The following MRGPRX4 variants were observed in gnomAD, a reference collection of about 807,000 sequenced individuals.
MRGPRX4 encodes MAS related GPR family member X4.
In MRGPRX4, 13 loss-of-function variants were observed where a neutral mutation model predicts 17.8. The ratio of observed to expected loss-of-function variants is 0.73; its 90% CI spans 0.48 to 1.16. MRGPRX4 has a LOEUF of 1.16. MRGPRX4 is among the 50% of genes most tolerant of loss of function. The pLI is 0.00. For synonymous variants in MRGPRX4, 192 were observed against 175.3 expected, an observed-to-expected ratio of 1.10 and a Z score of -0.75; for missense variants, 399 against 405.0, an observed-to-expected ratio of 0.99 and a Z score of 0.13.
In MRGPRX4 at chr11:18,173,573, A is replaced by G. The variant is rs566535505; in HGVS notation, c.317A>G (p.Tyr106Cys). 7.8e-5 allele frequency: 126 copies of G among 1,613,606 alleles called. No individual in the cohort carries two copies. The Middle Eastern group carries it at 3.8e-3, about 48-fold the overall frequency. Residue 106 changes from tyrosine to cysteine, a missense_variant, in exon 1 of 1, where the codon TAC (tyrosine) becomes TGC (cysteine). Transcript: ENST00000314254. ...KILVSVMTFP[Y>C]FTGLSMLSAI... is the part of the protein sequence containing the mutation. ...CTCGTTTCTGTGATGACCTTTCCCT[A>G]CTTTACAGGCCTGAGTATGCTGAGC...
chr11:18,174,199 C>T lies in MRGPRX4; in HGVS notation c.943C>T (p.Leu315=), dbSNP rs1401967866. The T allele has an allele frequency of 3.6e-5, 58 of 1,613,588 alleles. No individual in the cohort carries two copies. Among genetic ancestry groups the T allele is most frequent in the Non-Finnish European group, 4.6e-5 (54 of 1,179,724 alleles). Residue 315 remains leucine (L), a synonymous_variant, in exon 1 of 1, where the codon CTG becomes TTG. Transcript: ENST00000314254. ...GCAGCTTCCTGAGGAAAGCCTGGAG[C>T]TGTCGGGAAGCAGATTGGGGCCATG... The part of the protein sequence containing the change: ...EGQLPEESLE[L]SGSRLGP
At position 18,174,117 on chromosome 11, in the gene MRGPRX4, G is replaced by A; in HGVS notation, c.861G>A (p.Leu287=). 1.2e-6 allele frequency: 2 copies of A among 1,614,202 alleles called. No individual in the cohort carries two copies. The highest frequency in any genetic ancestry group is 2.2e-5 in the South Asian group (2 of 91,074). ...GGCAGCGTCAAAATAGGCAGAACCT[G>A]AAGCTGGTTCTCCAGAGGGCTCTGC... ...SFRQRQNRQN[L]KLVLQRALQD... is the part of the protein sequence containing the mutation. Residue 287 remains leucine (L), a synonymous_variant, in exon 1 of 1, where the codon CTG becomes CTA. Coordinates refer to ENST00000314254, the MANE Select transcript of MRGPRX4 (RefSeq NM_054032.3).
Position 18,173,110 on chromosome 11 carries a change from T to G in MRGPRX4, c.-147T>G. The G allele has an allele frequency of 8.9e-7, 1 of 1,129,236 alleles. No individual in the cohort carries two copies. 70.0% of individuals were successfully genotyped at this position (1,129,236 alleles called of 1,614,324 possible). On this transcript the variant is annotated 5_prime_UTR_variant, in exon 1 of 1. Transcript: ENST00000314254. ...AGGACCCCCACCTTTGGTAAGTGAC[T>G]TATTATCTGCGAGCCTCTGTTTCTC... is the stretch of plus-strand genomic sequence containing the variant.
rs765795700 is a variant in MRGPRX4, at chr11:18,174,254, G to A, written c.*29G>A. ...AGAGCCTCTGCCCTGTCAGTCAGACGGGACTTTGAGAGCAACACTGTCCTG... is the reference window on the plus strand; with the variant it reads ...AGAGCCTCTGCCCTGTCAGTCAGACAGGACTTTGAGAGCAACACTGTCCTG... On this transcript the variant is annotated 3_prime_UTR_variant, in exon 1 of 1. Coordinates refer to ENST00000314254, the MANE Select transcript of MRGPRX4 (RefSeq NM_054032.3). The A allele has an allele frequency of 1.9e-5, 30 of 1,586,450 alleles. No individual in the cohort carries two copies. The highest frequency in any genetic ancestry group is 1.7e-4 in the Middle Eastern group (1 of 5,924).
In MRGPRX4 at chr11:18,173,965, G is replaced by A. The variant is rs376689013; in HGVS notation, c.709G>A (p.Ala237Thr). Residue 237 changes from alanine (A) to threonine (T), a missense_variant, in exon 1 of 1, where the codon GCC becomes ACC. Transcript: ENST00000314254. Reference protein sequence around the residue: ...LCGLPFGILGALIYRMHLNLE... With the variant: ...LCGLPFGILGTLIYRMHLNLE... ...CGGCCTGCCCTTCGGCATTCTGGGG[G>A]CCCTAATTTACAGGATGCACCTGAA... is the stretch of plus-strand genomic sequence containing the variant. 2.5e-6 allele frequency: 4 copies of A among 1,614,210 alleles called. No individual in the cohort carries two copies. Among genetic ancestry groups the A allele is most frequent in the South Asian group, 1.1e-5 (1 of 91,078 alleles).
Position 18,174,191 on chromosome 11 carries a change from G to T in MRGPRX4, c.935G>T (p.Ser312Ile), listed in dbSNP as rs139194129. Residue 312 changes from serine (S) to isoleucine (I), a missense_variant, in exon 1 of 1, where the codon AGC (serine) becomes ATC (isoleucine). Transcript: ENST00000314254. ...DKGEGQLPEE[S>I]LELSGSRLGP ...GGTGAAGGGCAGCTTCCTGAGGAAA[G>T]CCTGGAGCTGTCGGGAAGCAGATTG... 1.9e-6 allele frequency: 3 copies of T among 1,613,902 alleles called. No homozygotes were observed. Among genetic ancestry groups the T allele is most frequent in the African/African-American group, 1.3e-5 (1 of 75,016 alleles).
At position 18,173,692 on chromosome 11, in the gene MRGPRX4, C is replaced by T; in HGVS notation, c.436C>T (p.Leu146Phe). 6.2e-7 allele frequency: 1 copy of T among 1,614,216 alleles called. No homozygotes were observed. The highest frequency in any genetic ancestry group is 1.7e-5 in the Admixed American group (1 of 60,024). The change falls in exon 1 of 1, where the codon CTC becomes TTC. Residue 146 changes from leucine (L) to phenylalanine (F), a missense_variant. Coordinates refer to ENST00000314254, the MANE Select transcript of MRGPRX4 (RefSeq NM_054032.3). The stretch of plus-strand genomic sequence containing the variant: ...CCTGTCAGCGGTCGTGTGTGTCCTG[C>T]TCTGGGGCCTGTCCCTGCTGTTTAG... Reference protein sequence around the residue: ...THLSAVVCVLLWGLSLLFSML... With the variant: ...THLSAVVCVLFWGLSLLFSML...
rs140036768 is a variant in MRGPRX4, at chr11:18,173,304, C to T, written c.48C>T (p.Asn16=). The T allele has an allele frequency of 4.0e-4, 638 of 1,613,288 alleles. No individual in the cohort carries two copies. In the African/African-American group the frequency reaches 4.5e-3, roughly 11 times the overall value. The change falls in exon 1 of 1, where the codon AAC becomes AAT. Residue 16 remains asparagine (N), a synonymous_variant. Transcript: ENST00000314254. ...TCGGTACAAAACTGACACCAATCAA[C>T]GGACGTGAGGAGACTCCTTGCTACA... The part of the protein sequence containing the change: ...PVFGTKLTPI[N]GREETPCYNQ...
chr11:18,173,795 C>T lies in MRGPRX4; in HGVS notation c.539C>T (p.Pro180Leu), dbSNP rs1298353291. 5.4e-5 allele frequency: 87 copies of T among 1,614,022 alleles called. No homozygotes were observed. The highest frequency in any genetic ancestry group is 7.2e-5 in the Non-Finnish European group (85 of 1,180,050). The change falls in exon 1 of 1, where the codon CCA (proline) becomes CTA (leucine). Residue 180 changes from proline (P) to leucine (L), a missense_variant. Pro to Leu is a moderately conservative substitution (Grantham distance 98, BLOSUM62 -3). Transcript: ENST00000314254. ...SSWCETSDFI[P>L]VAWLIFLCVV... ...TGGTGTGAAACGTCAGATTTCATCC[C>T]AGTCGCGTGGCTGATTTTTTTATGT... is the stretch of plus-strand genomic sequence containing the variant.
Position 18,173,149 on chromosome 11 carries a change from A to T in MRGPRX4, c.-108A>T. On this transcript the variant is annotated 5_prime_UTR_variant, in exon 1 of 1. Coordinates refer to ENST00000314254, the MANE Select transcript of MRGPRX4 (RefSeq NM_054032.3). ...CCTCTGTTTCTCTCTTCTTTAAATG[A>T]GGACAGTAAATCCCATACGGCAGGG... The T allele has an allele frequency of 7.2e-7, 1 of 1,387,016 alleles. No homozygotes were observed. The highest frequency in any genetic ancestry group is 9.8e-7 in the Non-Finnish European group (1 of 1,019,702). 85.9% of individuals were successfully genotyped at this position (1,387,016 alleles called of 1,614,324 possible).
In MRGPRX4 at chr11:18,173,012, C is replaced by T. The variant is rs1432363458; in HGVS notation, c.-245C>T. The T allele has an allele frequency of 3.9e-6, 2 of 518,316 alleles. No homozygotes were observed. Among genetic ancestry groups the T allele is most frequent in the Admixed American group, 3.6e-5 (1 of 27,838 alleles). 32.1% of individuals were successfully genotyped at this position (518,316 alleles called of 1,614,324 possible). ...GATCCTAATGTTATTCCCATGTCAG[C>T]ACAGAACTTGTGTGGCAGTAGAGAG... On this transcript the variant is annotated 5_prime_UTR_variant, in exon 1 of 1. Coordinates refer to ENST00000314254, the MANE Select transcript of MRGPRX4 (RefSeq NM_054032.3).
At position 18,173,597 on chromosome 11, in the gene MRGPRX4, G is replaced by A. The variant is rs770572727; in HGVS notation, c.341G>A (p.Ser114Asn). 13 of 1,614,134 alleles carry A rather than the reference G, an allele frequency of 8.1e-6. No individual in the cohort carries two copies. In the South Asian group the frequency reaches 1.4e-4, roughly 18 times the overall value. The part of the protein sequence containing the change: ...FPYFTGLSML[S>N]AISTERCLSV... ...TACTTTACAGGCCTGAGTATGCTGA[G>A]CGCCATCAGCACCGAGCGCTGCCTG... The change falls in exon 1 of 1, where the codon AGC becomes AAC. Residue 114 changes from serine to asparagine, a missense_variant. Ser to Asn is a conservative substitution (Grantham distance 46). Coordinates refer to ENST00000314254, the MANE Select transcript of MRGPRX4 (RefSeq NM_054032.3).
rs1393580492 is a variant in MRGPRX4, at chr11:18,172,911, C to A, written c.-346C>A. 4.5e-6 allele frequency: 1 copy of A among 221,038 alleles called. No individual in the cohort carries two copies. The highest frequency in any genetic ancestry group is 8.9e-6 in the Non-Finnish European group (1 of 112,562). The allele number at this position is 221,038 out of a possible 1,614,324, so 13.7% of individuals were successfully genotyped here. ...CTCTTTGTGTATCTGAATTCCTCCA[C>A]CTGAAAGAAAATTTCAGACCCAGGA... On this transcript the variant is annotated 5_prime_UTR_variant, in exon 1 of 1. Transcript: ENST00000314254.
chr11:18,173,344 T>C lies in MRGPRX4; in HGVS notation c.88T>C (p.Phe30Leu), dbSNP rs746614303. ...TCCTTGCTACAATCAGACCCTGAGC[T>C]TCACGGTGCTGACGTGCATCATTTC... is the stretch of plus-strand genomic sequence containing the variant. The part of the protein sequence containing the change: ...ETPCYNQTLS[F>L]TVLTCIISLV... Residue 30 changes from phenylalanine (F) to leucine (L), a missense_variant, in exon 1 of 1, where the codon TTC (phenylalanine) becomes CTC (leucine). Phe to Leu is a conservative substitution (Grantham distance 22). Coordinates refer to ENST00000314254, the MANE Select transcript of MRGPRX4 (RefSeq NM_054032.3). 7 of 1,614,104 alleles carry C rather than the reference T, an allele frequency of 4.3e-6. No homozygotes were observed. Among genetic ancestry groups the C allele is most frequent in the Admixed American group, 1.7e-5 (1 of 60,014 alleles).
At position 18,173,315 on chromosome 11, in the gene MRGPRX4, A is replaced by G. The variant is rs145567910; in HGVS notation, c.59A>G (p.Glu20Gly). ...CTGACACCAATCAACGGACGTGAGG[A>G]GACTCCTTGCTACAATCAGACCCTG... ...TKLTPINGRE[E>G]TPCYNQTLSF... The change falls in exon 1 of 1, where the codon GAG becomes GGG. Residue 20 changes from glutamate (E) to glycine (G), a missense_variant. By Grantham distance (98) the Glu-to-Gly change is moderately conservative (BLOSUM62 -2). Coordinates refer to ENST00000314254, the MANE Select transcript of MRGPRX4 (RefSeq NM_054032.3). 28 of 1,613,792 alleles carry G rather than the reference A, an allele frequency of 1.7e-5. No individual in the cohort carries two copies. Among genetic ancestry groups the G allele is most frequent in the Non-Finnish European group, 2.3e-5 (27 of 1,179,938 alleles).
At position 18,173,394 on chromosome 11, in the gene MRGPRX4, G is replaced by A. The variant is rs780943228; in HGVS notation, c.138G>A (p.Ala46=). The A allele has an allele frequency of 6.2e-7, 1 of 1,614,144 alleles. No homozygotes were observed. The highest frequency in any genetic ancestry group is 8.5e-7 in the Non-Finnish European group (1 of 1,180,020). ...IISLVGLTGN[A]VVLWLLGYRM... is the part of the protein sequence containing the mutation. Reference sequence around the variant, plus strand: ...CCCTTGTCGGACTGACAGGAAACGCGGTTGTGCTCTGGCTCCTGGGCTACC... The same window carrying A: ...CCCTTGTCGGACTGACAGGAAACGCAGTTGTGCTCTGGCTCCTGGGCTACC... Residue 46 remains alanine, a synonymous_variant, in exon 1 of 1, where the codon GCG becomes GCA. Transcript: ENST00000314254.
In MRGPRX4 at chr11:18,173,676, G is replaced by T. The variant is rs776405349; in HGVS notation, c.420G>T (p.Ala140=). 3.1e-6 allele frequency: 5 copies of T among 1,614,138 alleles called. No homozygotes were observed. Among genetic ancestry groups the T allele is most frequent in the South Asian group, 2.2e-5 (2 of 91,080 alleles). The change falls in exon 1 of 1, where the codon GCG becomes GCT. Residue 140 remains alanine (A), a synonymous_variant. Coordinates refer to ENST00000314254, the MANE Select transcript of MRGPRX4 (RefSeq NM_054032.3). ...GCCGCCGCCCCACACACCTGTCAGC[G>T]GTCGTGTGTGTCCTGCTCTGGGGCC... ...YRCRRPTHLS[A]VVCVLLWGLS... is the part of the protein sequence containing the mutation.
chr11:18,174,193 C>T lies in MRGPRX4; in HGVS notation c.937C>T (p.Leu313=), dbSNP rs1849351193. Residue 313 remains leucine (L), a synonymous_variant, in exon 1 of 1, where the codon CTG becomes TTG. Transcript: ENST00000314254. ...TGAAGGGCAGCTTCCTGAGGAAAGC[C>T]TGGAGCTGTCGGGAAGCAGATTGGG... ...KGEGQLPEES[L]ELSGSRLGP The T allele has an allele frequency of 6.2e-7, 1 of 1,613,858 alleles. No homozygotes were observed. Among genetic ancestry groups the T allele is most frequent in the Non-Finnish European group, 8.5e-7 (1 of 1,179,838 alleles).
In MRGPRX4 at chr11:18,173,216, T is replaced by A. The variant is rs765349758; in HGVS notation, c.-41T>A. The A allele has an allele frequency of 6.4e-7, 1 of 1,556,736 alleles. No homozygotes were observed. The highest frequency in any genetic ancestry group is 1.9e-5 in the Admixed American group (1 of 53,602). ...AGATGATACAGCTGGTGATCACATC[T>A]GGTTTGTGTTCCCAGGGGCACCAGA... On this transcript the variant is annotated 5_prime_UTR_variant, in exon 1 of 1. Transcript: ENST00000314254.
Sources: allele counts gnomAD v4.1 joint callset, GRCh38; gene constraint gnomAD v4.1.1; transcripts MANE v1.5; gene names NCBI Gene and HGNC (gene_info 2026-07-23, HGNC 2026-07-21).